The following GNAO1 variants were observed in gnomAD, a reference collection of about 807,000 sequenced individuals.
The protein encoded by GNAO1 is guanine nucleotide-binding protein G(o) subunit alpha.
For missense variants in GNAO1, 166 were observed against 478.7 expected (o/e 0.35, Z 6.10); for synonymous variants, 164 against 180.7 (o/e 0.91, Z 0.74).
chr16:56,207,492 G>C (rs746602121), intron 2 of GNAO1, among the ~76,000 whole-genome samples: 5 of 152,170 alleles, frequency 3.3e-5, no homozygotes, highest in Non-Finnish European at 7.3e-5. Flanking sequence ...TAGTTTTTCT[G>C]ATTCTAGGTG....
At position 56,204,108 on chromosome 16, in the gene GNAO1, A is replaced by G. The variant is rs74699478; in HGVS notation, c.161+11492A>G. 6.0e-3 allele frequency among the ~76,000 whole-genome samples: 912 copies of G among 152,286 alleles called. 4 individuals are homozygous for G. Among genetic ancestry groups the G allele is most frequent in the Non-Finnish European group, 0.011 (719 of 68,020 alleles). ...GCAGGAGAGATGACCCCTGGTGTCT[A>G]GTTGAATGAACATGAGAAGGAGAGA... On this transcript the variant is annotated intron_variant, in intron 2 of 8. Transcript: ENST00000262493.
At chr16:56,195,969 T>C (rs72814429) in intron 2 of GNAO1, among the ~76,000 whole-genome samples, 13,012 of 152,192 alleles carry the variant, frequency 0.085, 753 homozygotes, top group Non-Finnish European at 0.13. Flanking sequence ...AACATCTTCA[T>C]CAGCCTAGGA....
intron 3 of GNAO1, among the ~76,000 whole-genome samples, chr16:56,297,204 C>G (rs1003657351): frequency 2.5e-4 from 38 of 152,136 alleles, no homozygotes; most frequent in African/African-American, 8.2e-4. Flanking sequence ...CCAAATGTGA[C>G]CTCTTGCACC....
At chr16:56,271,514 C>T (rs998253911) in intron 2 of GNAO1, among the ~76,000 whole-genome samples, 5 of 152,130 alleles carry the variant, frequency 3.3e-5, no homozygotes, top group Non-Finnish European at 5.9e-5. Context: ...AGTGCAGTGG[C>T]GTGATCTTGG....
At chr16:56,253,034 C>G (rs1362284254) in intron 2 of GNAO1, among the ~76,000 whole-genome samples, 2 of 152,202 alleles carry the variant, frequency 1.3e-5, no homozygotes, top group Non-Finnish European at 2.9e-5. Flanking sequence ...TGGGGAGCTG[C>G]CCTCGGCTAA....
At chr16:56,307,778 A>T (rs994236690) in intron 3 of GNAO1, 1 of 151,920 alleles carries the variant, frequency 6.6e-6, no homozygotes, top group Non-Finnish European at 1.5e-5. Context: ...CCACTGTCTC[A>T]CTCTCTCTCA....
intron 2 of GNAO1, among the ~76,000 whole-genome samples, chr16:56,251,646 C>T (rs1309113994): frequency 6.6e-6 from 1 of 152,196 alleles, no homozygotes; most frequent in Non-Finnish European, 1.5e-5. Flanking sequence ...TGTTTCCTTA[C>T]TCTCCAGCCT....
At chr16:56,252,348 G>C (rs934502944) in intron 2 of GNAO1, among the ~76,000 whole-genome samples, 1 of 152,218 alleles carries the variant, frequency 6.6e-6, no homozygotes, top group Non-Finnish European at 1.5e-5. Context: ...CCTCAGACAA[G>C]GCTAGGGAAA....
intron 6 of GNAO1, 33 bp downstream of exon 6, chr16:56,336,893 G>A (rs538663993): frequency 8.2e-6 from 13 of 1,589,786 alleles, no homozygotes; most frequent in African/African-American, 1.3e-5. Flanking sequence ...GCAGGGGGCA[G>A]CGCTGAGGAG....
At chr16:56,194,107 G>A (rs1183431567) in intron 2 of GNAO1, 3 of 456,622 alleles carry the variant, frequency 6.6e-6, no homozygotes, top group South Asian at 4.6e-5. Context: ...GTAGGGAGTA[G>A]CGACTCGGAG....
intron 6 of GNAO1, chr16:56,345,397 A>G: frequency 1.0e-6 from 1 of 985,724 alleles, no homozygotes; most frequent in Non-Finnish European, 1.2e-6. Context: ...GTCCCCAGCC[A>G]GGCAGGGCCC....
chr16:56,336,389 G>C (rs1316381468), intron 5 of GNAO1: 1 of 219,572 alleles, frequency 4.6e-6, no homozygotes, highest in African/African-American at 2.3e-5. Context: ...AATAGACTGA[G>C]AGGAGGGTCC....
chr16:56,242,923 T>C (rs1442336276), intron 2 of GNAO1, among the ~76,000 whole-genome samples: 4 of 152,132 alleles, frequency 2.6e-5, no homozygotes, highest in African/African-American at 4.8e-5. Context: ...CAAAGCTTCA[T>C]CTGTATTTAC....
intron 2 of GNAO1, among the ~76,000 whole-genome samples, chr16:56,222,858 A>G (rs2036503735): frequency 6.6e-6 from 1 of 152,108 alleles, no homozygotes; most frequent in Non-Finnish European, 1.5e-5. Flanking sequence ...AATGATAGCT[A>G]GCATGTTTTG....
chr16:56,206,887 C>A (rs535217203), intron 2 of GNAO1, among the ~76,000 whole-genome samples: 7 of 152,294 alleles, frequency 4.6e-5, no homozygotes, highest in Admixed American at 1.3e-4. Context: ...TTTGCTGATC[C>A]CAGTGGCTTC....
Position 56,246,043 on chromosome 16 carries a change from G to A in GNAO1, c.162-29888G>A, listed in dbSNP as rs868853589. The stretch of plus-strand genomic sequence containing the variant: ...TGAGATCTCTGCAGGGCCCCTGGGT[G>A]AATCAGAGACAGAAGTCAGGCCTCC... On this transcript the variant is annotated intron_variant, in intron 2 of 8. Coordinates refer to ENST00000262493, the MANE Select transcript of GNAO1 (RefSeq NM_020988.3). Among the ~76,000 whole-genome samples, 41 of 152,242 alleles carry A rather than the reference G, an allele frequency of 2.7e-4. 1 individual carries two copies. The South Asian group carries it at 5.6e-3, about 21-fold the overall frequency.
At chr16:56,307,247 C>T (rs1271611104) in intron 3 of GNAO1, 1 of 152,220 alleles carries the variant, frequency 6.6e-6, no homozygotes. Flanking sequence ...GGCCAGCTCC[C>T]TCCTTCCCAG....
At chr16:56,287,389 G>A (rs142368375) in intron 3 of GNAO1, among the ~76,000 whole-genome samples, 17 of 152,356 alleles carry the variant, frequency 1.1e-4, no homozygotes, top group African/African-American at 4.1e-4. Context: ...CCAGGCAGTG[G>A]ACTTAGCACT....
rs559664410 is a variant in GNAO1 at position 56,209,455 on chromosome 16, A to G, written c.161+16839A>G. ...GCTGTTCTCAGCTCTTTGTGCTTGC[A>G]TGTAAATGTTAGAATCAGTTTTTGT... is the stretch of plus-strand genomic sequence containing the variant. On this transcript the variant is annotated intron_variant, in intron 2 of 8. Transcript: ENST00000262493. 5.3e-5 allele frequency among the ~76,000 whole-genome samples: 8 copies of G among 152,262 alleles called. No individual in the cohort carries two copies. In the South Asian group the frequency reaches 1.2e-3, roughly 24 times the overall value.
Sources: gnomAD v4.1 joint callset for allele counts (sites outside exome capture counted in the v4.1 genomes callset) on GRCh38, gnomAD v4.1.1 for gene constraint, MANE v1.5 for transcripts, NCBI Gene and HGNC (gene_info 2026-07-23, HGNC 2026-07-21) for gene names.